The following BICC1 variants were observed in gnomAD, a reference collection of about 807,000 sequenced individuals.
BICC1 encodes the protein protein bicaudal C homolog 1.
A neutral mutation model predicts 111.0 loss-of-function variants in BICC1; 43 were observed. The observed-to-expected ratio is 0.39, with a 90% confidence interval of 0.30 to 0.50. BICC1 has a LOEUF of 0.50. Among genes scored for constraint, BICC1 ranks in the 20% least tolerant of loss-of-function variants. The pLI is 0.88. For synonymous variants in BICC1, 467 were observed against 434.4 expected (o/e 1.07, Z -0.93); for missense variants, 1,091 against 1,203.2 (o/e 0.91, Z 1.38).
In BICC1 at chr10:58,830,804, GTGA is replaced by G. The variant is rs1844531947; in HGVS notation, c.*1918_*1920del. On this transcript the variant is annotated 3_prime_UTR_variant, in exon 21 of 21. Transcript: ENST00000373886. ...GTGTACAAATGGTCATGTGGATCAT[GTGA>G]TGATCATCCATCTTATTTGATTGTA... is the stretch of plus-strand genomic sequence containing the variant. 1 of 152,180 alleles carries G rather than the reference GTGA, an allele frequency of 6.6e-6. No homozygotes were observed. Among genetic ancestry groups the G allele is most frequent in the Non-Finnish European group, 1.5e-5 (1 of 68,024 alleles). 9.4% of individuals were successfully genotyped at this position (152,180 alleles called of 1,614,324 possible). A position where few individuals can be genotyped will look rare whatever the true frequency, so the allele number is the denominator to read the frequency against.
At chr10:58,720,484 G>A (rs1477174122) in intron 3 of BICC1, among the ~76,000 whole-genome samples, 1 of 152,192 alleles carries the variant, frequency 6.6e-6, no homozygotes, top group Non-Finnish European at 1.5e-5. Flanking sequence ...GAGTAGAGGA[G>A]AAGAGTGCAA....
intron 1 of BICC1, among the ~76,000 whole-genome samples, chr10:58,537,665 C>G (rs556454019): frequency 6.6e-6 from 1 of 151,728 alleles, no homozygotes; most frequent in African/African-American, 2.4e-5. Flanking sequence ...AAAGGGCATC[C>G]AAACTGGAAA....
intron 2 of BICC1, among the ~76,000 whole-genome samples, chr10:58,663,475 G>C (rs1838911051): frequency 6.6e-6 from 1 of 152,086 alleles, no homozygotes; most frequent in African/African-American, 2.4e-5. Context: ...TAAATCAGGG[G>C]TCCCCAGCCC....
chr10:58,610,506 A>G (rs1233381197), intron 1 of BICC1, among the ~76,000 whole-genome samples: 1 of 152,066 alleles, frequency 6.6e-6, no homozygotes, highest in Admixed American at 6.5e-5. Flanking sequence ...CTGTTAAAAT[A>G]TTTTGTGGGA....
At chr10:58,758,969 ATTTATTTT>A (rs1199864149) in intron 3 of BICC1, among the ~76,000 whole-genome samples, 2 of 100,602 alleles carry the variant, frequency 2.0e-5, no homozygotes, top group Non-Finnish European at 4.8e-5. Context: ...TTATTTATTT[ATTTATTTT>A]GAGATGGAGT....
At chr10:58,634,768 A>T (rs1837905197) in intron 2 of BICC1, among the ~76,000 whole-genome samples, 1 of 152,220 alleles carries the variant, frequency 6.6e-6, no homozygotes, top group Admixed American at 6.5e-5. Context: ...TGTTGACCAG[A>T]AGCCTTACTG....
chr10:58,777,760 T>C (rs1360114974), intron 3 of BICC1, among the ~76,000 whole-genome samples: 1 of 152,180 alleles, frequency 6.6e-6, no homozygotes. Flanking sequence ...TGATATGAAG[T>C]TGCCATGGGA....
chr10:58,786,700 TTCTATTTCTTCTGACAAA>T (rs1210161127), intron 4 of BICC1, among the ~76,000 whole-genome samples: 2 of 152,214 alleles, frequency 1.3e-5, no homozygotes, highest in Non-Finnish European at 2.9e-5. Context: ...GAATAAATTT[TTCTATTTCTTCTGACAAA>T]TCTTTCTTAA....
rs771599503 is a variant in BICC1, at chr10:58,796,483, C to A, written c.1323C>A (p.Ser441Arg). 6.2e-7 allele frequency: 1 copy of A among 1,614,012 alleles called. No individual in the cohort carries two copies. The change falls in exon 10 of 21, where the codon AGC becomes AGA. Residue 441 changes from serine (S) to arginine (R), a missense_variant. Coordinates refer to ENST00000373886, the MANE Select transcript of BICC1 (RefSeq NM_001080512.3). ...GCCCTGCCGGCCTGGCATGTCCCAG[C>A]CTGGATATCTTAGCTTCAGCAGGCC... ...ASCPAGLACP[S>R]LDILASAGLG...
chr10:58,619,916 G>A (rs548266334), intron 1 of BICC1, among the ~76,000 whole-genome samples: 1 of 152,146 alleles, frequency 6.6e-6, no homozygotes, highest in Non-Finnish European at 1.5e-5. Context: ...CTGTGCTGAG[G>A]TATTACCTAG....
chr10:58,789,650 A>G (rs761992734), intron 7 of BICC1, 32 bp from the exon 8 acceptor site: 3 of 1,611,456 alleles, frequency 1.9e-6, no homozygotes, highest in Non-Finnish European at 1.7e-6. Context: ...GTTAATGTAT[A>G]GGATTATTTC....
rs781151908 is a variant in BICC1 at position 58,817,578 on chromosome 10, C to T, written c.2550C>T (p.Ser850=). 3 of 1,613,558 alleles carry T rather than the reference C, an allele frequency of 1.9e-6. No individual in the cohort carries two copies. The highest frequency in any genetic ancestry group is 2.5e-6 in the Non-Finnish European group (3 of 1,179,610). The change falls in exon 19 of 21, where the codon AGC becomes AGT. Residue 850 remains serine, a synonymous_variant. Transcript: ENST00000373886. ...GCCTTTCAGCGGAACACTATCTCAG[C>T]AGTAGCAATTACATGGACTGCATTT... The part of the protein sequence containing the change: ...KQNKSTEHYL[S]SSNYMDCISS...
At position 58,769,404 on chromosome 10, in the gene BICC1, G is replaced by GTATATATATATATATATA. The variant is rs59606054; in HGVS notation, c.308-15592_308-15575dup. On this transcript the variant is annotated intron_variant, in intron 3 of 20. Coordinates refer to ENST00000373886, the MANE Select transcript of BICC1 (RefSeq NM_001080512.3). Reference sequence around the variant, plus strand: ...TGTGTGTGTGTGTGTGTGTGTGTGTGTATATATATATATATATATATAATC... The same window carrying GTATATATATATATATATA: ...TGTGTGTGTGTGTGTGTGTGTGTGTGTATATATATATATATATATATATATATATATATATATATAATC... Among the ~76,000 whole-genome samples the GTATATATATATATATATA allele has an allele frequency of 7.8e-3, 856 of 109,584 alleles. 4 individuals are homozygous for GTATATATATATATATATA. The highest frequency in any genetic ancestry group is 0.015 in the East Asian group (49 of 3,242). The allele number at this position is 109,584 out of a possible 152,430, so 71.9% of individuals were successfully genotyped here.
intron 1 of BICC1, among the ~76,000 whole-genome samples, chr10:58,537,786 G>A (rs185036943): frequency 2.3e-4 from 35 of 151,842 alleles, no homozygotes; most frequent in African/African-American, 7.5e-4. Context: ...AAAGTCTCAG[G>A]TTACAAAATT....
At chr10:58,639,637 G>A (rs1030638157) in intron 2 of BICC1, among the ~76,000 whole-genome samples, 84 of 138,710 alleles carry the variant, frequency 6.1e-4, no homozygotes, top group African/African-American at 2.1e-3. Context: ...GCCTGGTCTC[G>A]AACTCCTGAC....
In BICC1 at chr10:58,801,060, T is replaced by C; in HGVS notation, c.2015+14T>C. 6.3e-7 allele frequency: 1 copy of C among 1,576,096 alleles called. No individual in the cohort carries two copies. Among genetic ancestry groups the C allele is most frequent in the South Asian group, 1.2e-5 (1 of 84,946 alleles). On this transcript the variant is annotated intron_variant, in intron 14 of 20. Coordinates refer to ENST00000373886, the MANE Select transcript of BICC1 (RefSeq NM_001080512.3). ...CTCACACTTACAGTATGTATTTTAA[T>C]CTTTAAAGAGCCCTTGATATTTTGA...
chr10:58,820,303 A>G, intron 19 of BICC1, 66 bp from the exon 20 acceptor site: 1 of 1,076,000 alleles, frequency 9.3e-7, no homozygotes, highest in Non-Finnish European at 1.4e-6. Context: ...CAACAAGTTG[A>G]TCCTACAGTG....
chr10:58,708,770 C>G (rs1840480976), intron 3 of BICC1, among the ~76,000 whole-genome samples: 1 of 152,192 alleles, frequency 6.6e-6, no homozygotes, highest in Non-Finnish European at 1.5e-5. Context: ...GATGGAGCTG[C>G]CGTGTTGGAC....
At chr10:58,758,376 T>G (rs1842205530) in intron 3 of BICC1, among the ~76,000 whole-genome samples, 1 of 152,200 alleles carries the variant, frequency 6.6e-6, no homozygotes. Context: ...AAATTGACAA[T>G]TCTCTGCTAC....
Sources: allele counts gnomAD v4.1 joint callset (sites outside exome capture counted in the v4.1 genomes callset), GRCh38; gene constraint gnomAD v4.1.1; transcripts MANE v1.5; gene names NCBI Gene and HGNC (gene_info 2026-07-23, HGNC 2026-07-21).